Variants in OR3A2 observed in about 807,000 individuals in gnomAD.
OR3A2 encodes olfactory receptor 3A2.
For missense variants in OR3A2, 318 were observed against 392.8 expected (o/e 0.81, Z 1.61); for synonymous variants, 126 against 159.3 (o/e 0.79, Z 1.57).
intron 2 of OR3A2, among the ~76,000 whole-genome samples, chr17:3,349,233 T>A (rs923336438): frequency 3.3e-5 from 5 of 152,044 alleles, no homozygotes; most frequent in African/African-American, 1.2e-4. Flanking sequence ...AGACACAGAC[T>A]GGCAAATTGG....
chr17:3,350,522 G>A (rs921572536), intron 2 of OR3A2, among the ~76,000 whole-genome samples: 15 of 152,184 alleles, frequency 9.9e-5, no homozygotes, highest in African/African-American at 3.6e-4. Context: ...AACGGGAGCT[G>A]AAATTGTGGC....
chr17:3,338,814 A>G (rs2049292600), intron 2 of OR3A2, among the ~76,000 whole-genome samples: 1 of 152,176 alleles, frequency 6.6e-6, no homozygotes, highest in South Asian at 2.1e-4. Flanking sequence ...GAAGAAAGTC[A>G]TTGGTAGCTG....
chr17:3,305,598 A>G (rs1217496862), intron 3 of OR3A2, among the ~76,000 whole-genome samples: 1 of 115,302 alleles, frequency 8.7e-6, no homozygotes, highest in East Asian at 1.9e-3. Context: ...ATGGCAAAAA[A>G]TTGAAAACTA....
chr17:3,331,848 A>G (rs2150642595), intron 3 of OR3A2, among the ~76,000 whole-genome samples: 1 of 150,832 alleles, frequency 6.6e-6, no homozygotes, highest in South Asian at 2.1e-4. Context: ...TTGTGGTTTT[A>G]TCTACTTTTT....
At chr17:3,323,507 T>C (rs1276135385) in intron 3 of OR3A2, among the ~76,000 whole-genome samples, 3 of 152,096 alleles carry the variant, frequency 2.0e-5, no homozygotes, top group African/African-American at 7.2e-5. Context: ...GGTTGTTCCT[T>C]TCCATGTTTA....
rs372232073 is a variant in OR3A2 at position 3,367,641 on chromosome 17, C to T, written c.-179+16163G>A. On this transcript the variant is annotated intron_variant, in intron 2 of 4. Transcript: ENST00000573491. ...TATATATGCCATTTTCTTTATCCAC[C>T]TGTTGGTTGATGGGCACTTAGATTG... Among the ~76,000 whole-genome samples, 50 of 133,600 alleles carry T rather than the reference C, an allele frequency of 3.7e-4. 1 individual carries two copies. The South Asian group carries it at 0.012, about 33-fold the overall frequency. The allele number at this position is 133,600 out of a possible 152,430, so 87.6% of individuals were successfully genotyped here.
chr17:3,329,563 T>G lies in OR3A2; in HGVS notation c.-85+6470A>C, dbSNP rs1444142226. Among the ~76,000 whole-genome samples the G allele has an allele frequency of 4.0e-4, 48 of 120,812 alleles. 1 individual carries two copies. In the Admixed American group the frequency reaches 4.3e-3, roughly 11 times the overall value. The allele number at this position is 120,812 out of a possible 152,430, so 79.3% of individuals were successfully genotyped here. A position where few individuals can be genotyped will look rare whatever the true frequency, so the allele number is the denominator to read the frequency against. ...CTGTGGGATCGGTGGTGATATCCCC[T>G]TTATCATTTTTTATTGCGTCTATTT... On this transcript the variant is annotated intron_variant, in intron 3 of 4. Coordinates refer to the OR3A2 transcript ENST00000573491.
exon 2 of OR3A2, chr17:3,278,584 C>T (rs779392307): frequency 3.1e-6 from 5 of 1,607,794 alleles, no homozygotes; most frequent in East Asian, 4.5e-5. Flanking sequence ...CAGTCCATCC[C>T]AGCCAGAAGG....
chr17:3,330,487 G>T (rs1173086364), intron 3 of OR3A2, among the ~76,000 whole-genome samples: 2 of 151,958 alleles, frequency 1.3e-5, no homozygotes, highest in Admixed American at 6.6e-5. Context: ...TGTCTCTTTT[G>T]ATTTTGTTGG....
chr17:3,325,440 C>A (rs1411241870), intron 3 of OR3A2, among the ~76,000 whole-genome samples: 2 of 152,102 alleles, frequency 1.3e-5, no homozygotes. Flanking sequence ...AAACTCCTGA[C>A]CTCAGGTGAT....
At chr17:3,367,261 A>G (rs2049572157) in intron 2 of OR3A2, among the ~76,000 whole-genome samples, 1 of 152,170 alleles carries the variant, frequency 6.6e-6, no homozygotes. Flanking sequence ...GTTTTTGGTT[A>G]CATGAAGAAG....
intron 2 of OR3A2, among the ~76,000 whole-genome samples, chr17:3,370,285 C>T (rs1597361887): frequency 6.6e-6 from 1 of 152,192 alleles, no homozygotes; most frequent in East Asian, 1.9e-4. Flanking sequence ...GTCTCCATCT[C>T]CTCCAGGTTT....
At chr17:3,312,767 G>A (rs559817421) in intron 3 of OR3A2, among the ~76,000 whole-genome samples, 10 of 152,260 alleles carry the variant, frequency 6.6e-5, no homozygotes, top group South Asian at 6.2e-4. Flanking sequence ...GGGATTACAG[G>A]TGCCTGCCAC....
intron 3 of OR3A2, among the ~76,000 whole-genome samples, chr17:3,302,843 C>T (rs1167287179): frequency 3.3e-5 from 5 of 152,166 alleles, no homozygotes; most frequent in Non-Finnish European, 7.3e-5. Context: ...ATGTCATGCT[C>T]ATTCTGGGAA....
intron 2 of OR3A2, among the ~76,000 whole-genome samples, chr17:3,340,931 T>G (rs2449572): frequency 0.69 from 104,666 of 151,894 alleles, 37,554 homozygotes; most frequent in East Asian, 0.99. Context: ...AGGACTTGCT[T>G]TATGAATCTG....
chr17:3,361,540 T>C (rs1359656911), intron 2 of OR3A2, among the ~76,000 whole-genome samples: 1 of 151,690 alleles, frequency 6.6e-6, no homozygotes, highest in African/African-American at 2.4e-5. Context: ...CAGTATGATA[T>C]TGGCTGTGGG....
At chr17:3,337,821 C>T (rs550841626) in intron 2 of OR3A2, among the ~76,000 whole-genome samples, 47 of 152,292 alleles carry the variant, frequency 3.1e-4, no homozygotes, top group Admixed American at 5.2e-4. Context: ...AATGGTATTT[C>T]TAGTTCTAGA....
chr17:3,282,938 A>G (rs562237910), intron 1 of OR3A2, among the ~76,000 whole-genome samples: 1 of 152,260 alleles, frequency 6.6e-6, no homozygotes, highest in East Asian at 1.9e-4. Context: ...TCAAATGCTG[A>G]CTGATGAATT....
intron 2 of OR3A2, among the ~76,000 whole-genome samples, chr17:3,367,953 T>A (rs1179270607): frequency 6.6e-6 from 1 of 152,192 alleles, no homozygotes; most frequent in Non-Finnish European, 1.5e-5. Context: ...TAAGCTGGTA[T>A]TTCATTGTGG....
Sources: allele counts gnomAD v4.1 joint callset (sites outside exome capture counted in the v4.1 genomes callset), GRCh38; gene constraint gnomAD v4.1.1; transcripts MANE v1.5; gene names NCBI Gene and HGNC (gene_info 2026-07-23, HGNC 2026-07-21).